Variants in IL1RAPL1 observed in about 807,000 individuals in gnomAD.
IL1RAPL1 encodes the protein interleukin 1 receptor accessory protein like 1, also known as interleukin-1 receptor accessory protein-like 1.
A neutral mutation model predicts 48.4 loss-of-function variants in IL1RAPL1; 3 were observed. The ratio of observed to expected loss-of-function variants is 0.06; its 90% confidence interval spans 0.03 to 0.16. The LOEUF is 0.16. Ranked by LOEUF, IL1RAPL1 falls within the 10% of genes least tolerant of loss-of-function variation. The probability of loss-of-function intolerance (pLI) is 1.00; values close to 1 mark genes in which losing one functional copy is unlikely to be tolerated. For synonymous variants in IL1RAPL1, 185 were observed against 187.7 expected, an observed-to-expected ratio of 0.99 and a Z score of 0.12; for missense variants, 349 against 530.6, an observed-to-expected ratio of 0.66 and a Z score of 3.36.
intron 3 of IL1RAPL1, among the ~76,000 whole-genome samples, chrX:29,361,491 A>G (rs999047595): frequency 6.3e-5 from 7 of 110,450 alleles, no homozygotes; most frequent in South Asian, 3.9e-4. Context: ...TGGCCTTCCT[A>G]CTACAGTCTT....
chrX:29,824,368 T>C (rs963690579), intron 6 of IL1RAPL1, among the ~76,000 whole-genome samples: 21 of 111,626 alleles, frequency 1.9e-4, no homozygotes, highest in African/African-American at 6.8e-4. Context: ...CTTACTAGAG[T>C]CTGATCGGTA....
chrX:29,334,024 C>G (rs1932933186), intron 3 of IL1RAPL1, among the ~76,000 whole-genome samples: 1 of 85,135 alleles, frequency 1.2e-5, no homozygotes. Flanking sequence ...GGGCGGGGGG[C>G]TGATCCCCCC....
chrX:29,652,081 G>GA (rs1038046262), intron 5 of IL1RAPL1, among the ~76,000 whole-genome samples: 1 of 110,715 alleles, frequency 9.0e-6, no homozygotes, highest in Non-Finnish European at 1.9e-5. Context: ...TAGATCTTCA[G>GA]AAAAAAAGCA....
At chrX:29,761,473 A>T (rs1928751351) in intron 6 of IL1RAPL1, among the ~76,000 whole-genome samples, 1 of 112,264 alleles carries the variant, frequency 8.9e-6, no homozygotes, top group African/African-American at 3.2e-5. Context: ...GTGTAAGATC[A>T]GCCTTGATCT....
intron 1 of IL1RAPL1, among the ~76,000 whole-genome samples, chrX:28,598,360 G>GA (rs1359769185): frequency 8.9e-6 from 1 of 111,913 alleles, no homozygotes; most frequent in Non-Finnish European, 1.9e-5. Flanking sequence ...ATAAGTGGAA[G>GA]AAAAGAAACC....
intron 2 of IL1RAPL1, among the ~76,000 whole-genome samples, chrX:28,815,152 A>G (rs1020222520): frequency 7.8e-4 from 86 of 110,773 alleles, no homozygotes; most frequent in Non-Finnish European, 4.2e-4. Context: ...ATGTAGAGCC[A>G]GATTTATAAC....
intron 2 of IL1RAPL1, among the ~76,000 whole-genome samples, chrX:29,205,425 C>T (rs1930643344): frequency 9.0e-6 from 1 of 111,471 alleles, no homozygotes; most frequent in South Asian, 3.7e-4. Context: ...CCAGTGTAAG[C>T]CTGGTCATAT....
intron 5 of IL1RAPL1, among the ~76,000 whole-genome samples, chrX:29,408,451 G>A (rs1934102225): frequency 1.8e-5 from 2 of 110,964 alleles, no homozygotes; most frequent in African/African-American, 6.5e-5. Context: ...AATTTCTAGG[G>A]TCAGATCATA....
intron 8 of IL1RAPL1, among the ~76,000 whole-genome samples, chrX:29,926,899 A>G (rs1383344249): frequency 8.9e-6 from 1 of 111,990 alleles, no homozygotes; most frequent in Non-Finnish European, 1.9e-5. Context: ...TCAACACTTA[A>G]GCTGCTCAAT....
intron 2 of IL1RAPL1, among the ~76,000 whole-genome samples, chrX:28,999,601 C>T (rs1304387982): frequency 4.5e-5 from 5 of 111,714 alleles, no homozygotes; most frequent in Non-Finnish European, 3.8e-5. Flanking sequence ...TTTTTGTTAT[C>T]GCTAATGTAA....
At chrX:29,271,159 C>T (rs1932035358) in intron 2 of IL1RAPL1, among the ~76,000 whole-genome samples, 1 of 111,378 alleles carries the variant, frequency 9.0e-6, no homozygotes, top group African/African-American at 3.3e-5. Context: ...ATGATGACCT[C>T]CAGCTTCATT....
At chrX:28,800,053 C>A (rs983990889) in intron 2 of IL1RAPL1, among the ~76,000 whole-genome samples, 1 of 111,376 alleles carries the variant, frequency 9.0e-6, no homozygotes, top group Non-Finnish European at 1.9e-5. Context: ...GCCAGAAGCC[C>A]GAAATCAAAG....
intron 2 of IL1RAPL1, among the ~76,000 whole-genome samples, chrX:29,080,733 CCAAG>C (rs1403480765): frequency 9.3e-6 from 1 of 107,475 alleles, no homozygotes; most frequent in African/African-American, 3.4e-5. Flanking sequence ...TATTATTCTT[CCAAG>C]CAAATACTTT....
intron 2 of IL1RAPL1, among the ~76,000 whole-genome samples, chrX:28,830,965 G>GTAAT (rs1435367252): frequency 3.3e-5 from 3 of 92,085 alleles, no homozygotes; most frequent in African/African-American, 1.3e-4. Context: ...CCTTGAACCA[G>GTAAT]TAATTCTCCC....
chrX:29,604,551 G>T, intron 5 of IL1RAPL1, among the ~76,000 whole-genome samples: 1 of 111,395 alleles, frequency 9.0e-6, no homozygotes, highest in Middle Eastern at 4.7e-3. Flanking sequence ...CGATTTGCCT[G>T]CCACAGCCTT....
chrX:29,208,122 C>T (rs186294855), intron 2 of IL1RAPL1, among the ~76,000 whole-genome samples: 42 of 111,247 alleles, frequency 3.8e-4, no homozygotes, highest in African/African-American at 1.3e-3. Flanking sequence ...AGAGTAGATA[C>T]GGTATGAGCA....
At chrX:29,636,776 C>T (rs1326502039) in intron 5 of IL1RAPL1, among the ~76,000 whole-genome samples, 1 of 111,666 alleles carries the variant, frequency 9.0e-6, no homozygotes, top group African/African-American at 3.3e-5. Flanking sequence ...CTGTGGCTCA[C>T]GCCTGTAATC....
chrX:29,478,434 G>T (rs1935001205), intron 5 of IL1RAPL1, among the ~76,000 whole-genome samples: 1 of 111,301 alleles, frequency 9.0e-6, no homozygotes, highest in Non-Finnish European at 1.9e-5. Flanking sequence ...GGATGGCTGT[G>T]TCCCCCTGTT....
At chrX:29,342,871 C>A (rs1177022926) in intron 3 of IL1RAPL1, among the ~76,000 whole-genome samples, 2 of 112,076 alleles carry the variant, frequency 1.8e-5, no homozygotes, top group Admixed American at 1.9e-4. Flanking sequence ...ATATGCATGG[C>A]AGAGAAGCAG....
Sources: allele counts gnomAD v4.1 joint callset (sites outside exome capture counted in the v4.1 genomes callset), GRCh38; gene constraint gnomAD v4.1.1; transcripts MANE v1.5; gene names NCBI Gene and HGNC (gene_info 2026-07-23, HGNC 2026-07-21).